MTERF4: variants seen among roughly 807,000 people sequenced by gnomAD.
MTERF4 encodes mitochondrial transcription termination factor 4.
MTERF4 carries 17 observed loss-of-function variants against 22.5 expected under a neutral mutation model. That is an observed-to-expected ratio of 0.75 (90% CI 0.52 to 1.13). MTERF4 has a LOEUF of 1.13. Ranked by LOEUF, MTERF4 falls within the 50% of genes most tolerant of loss-of-function variation. The pLI, the probability that MTERF4 is intolerant of heterozygous loss-of-function variation, is 0.00. For synonymous variants in MTERF4, 165 were observed against 175.3 expected, an observed-to-expected ratio of 0.94 and a Z score of 0.47; for missense variants, 420 against 466.8, an observed-to-expected ratio of 0.90 and a Z score of 0.92.
At chr2:241,045,966 ACAAACAACC>A in the MTERF4 span, among the ~76,000 whole-genome samples, 1 of 152,146 alleles carries the variant, frequency 6.6e-6, no homozygotes, top group Non-Finnish European at 1.5e-5. Flanking sequence ...CTGTGAGAAA[ACAAACAACC>A]CAATTTTAAA....
downstream of MTERF4, among the ~76,000 whole-genome samples, chr2:241,084,214 G>A (rs1025701413): frequency 1.4e-5 from 2 of 146,120 alleles, no homozygotes; most frequent in Admixed American, 7.0e-5. Flanking sequence ...TTGGCTCATC[G>A]CAACCTCTGC....
downstream of MTERF4, among the ~76,000 whole-genome samples, chr2:241,083,767 T>G (rs185120450): frequency 2.3e-4 from 35 of 152,314 alleles, no homozygotes; most frequent in Admixed American, 2.1e-3. Flanking sequence ...ATATTTCAAG[T>G]GACTTTCTAG....
downstream of MTERF4, among the ~76,000 whole-genome samples, chr2:241,083,617 TGA>T: frequency 6.6e-6 from 1 of 152,296 alleles, no homozygotes; most frequent in Middle Eastern, 3.4e-3. Flanking sequence ...TTCTATGCAG[TGA>T]GAGTCCGAAT....
the MTERF4 span, among the ~76,000 whole-genome samples, chr2:241,066,801 C>G: frequency 2.6e-5 from 4 of 152,160 alleles, no homozygotes; most frequent in African/African-American, 4.8e-5. Flanking sequence ...TGGGCCCTAG[C>G]TTGATGCCAA....
downstream of MTERF4, chr2:241,088,483 G>T (rs554745275): frequency 2.6e-6 from 3 of 1,150,214 alleles, no homozygotes; most frequent in South Asian, 2.5e-5. Flanking sequence ...GGATCTCAGA[G>T]TGCCGCTGCC....
chr2:241,045,353 T>C, the MTERF4 span, among the ~76,000 whole-genome samples: 3 of 152,280 alleles, frequency 2.0e-5, no homozygotes, highest in African/African-American at 7.2e-5. Context: ...CAAAACAATT[T>C]TGATGAAGAA....
At chr2:241,094,182 G>A, downstream of MTERF4, 1 of 392,884 alleles carries the variant, frequency 2.5e-6, no homozygotes, top group South Asian at 1.9e-5. This position sits in a 1 kb window ranked among gnomAD's most constrained non-coding sequence, Gnocchi z 4.3. Context: ...CATTGCGTGT[G>A]GGCTGCCAGG....
chr2:241,050,842 C>A, the MTERF4 span, among the ~76,000 whole-genome samples: 3 of 152,204 alleles, frequency 2.0e-5, no homozygotes, highest in African/African-American at 4.8e-5. Flanking sequence ...GGGGGTCCTA[C>A]CAGAGCCCAC....
At chr2:241,080,930 G>A (rs1448635961) in intron 4 of MTERF4, among the ~76,000 whole-genome samples, 1 of 152,238 alleles carries the variant, frequency 6.6e-6, no homozygotes, top group East Asian at 1.9e-4. Context: ...GGGCAGGAGC[G>A]ACAGGGACAG....
At chr2:241,052,240 G>A in the MTERF4 span, 1 of 1,459,500 alleles carries the variant, frequency 6.9e-7, no homozygotes, top group Non-Finnish European at 9.6e-7. Flanking sequence ...GGGCAGGGCT[G>A]GTCCAGGCCC....
chr2:241,089,794 G>GC (rs1299564400), downstream of MTERF4, among the ~76,000 whole-genome samples: 7 of 152,250 alleles, frequency 4.6e-5, no homozygotes, highest in Non-Finnish European at 8.8e-5. Context: ...CGCATACTTA[G>GC]AACAAACCTA....
intron 1 of MTERF4, among the ~76,000 whole-genome samples, chr2:241,100,551 C>T (rs1321985119): frequency 6.6e-6 from 1 of 152,152 alleles, no homozygotes; most frequent in Non-Finnish European, 1.5e-5. Flanking sequence ...GCAGCCTTGA[C>T]TTCCCCAGGC....
At chr2:241,084,647 A>AATT (rs1215249781), downstream of MTERF4, among the ~76,000 whole-genome samples, 1 of 152,190 alleles carries the variant, frequency 6.6e-6, no homozygotes, top group Non-Finnish European at 1.5e-5. Flanking sequence ...TGCACTCAAA[A>AATT]ATTATCTTGT....
downstream of MTERF4, chr2:241,090,223 T>G: frequency 6.7e-7 from 1 of 1,486,776 alleles, no homozygotes; most frequent in Non-Finnish European, 8.9e-7. Context: ...TGTTTTTTAC[T>G]ATTTAACTTT....
chr2:241,064,207 C>T, the MTERF4 span: 1,907 of 965,368 alleles, frequency 2.0e-3, 6 homozygotes, highest in Non-Finnish European at 2.5e-3. The surrounding 1 kb of genome is among the most constrained non-coding windows in gnomAD (Gnocchi z 7.0). Context: ...GCCCTCTGCC[C>T]GCCTGCTCCC....
the MTERF4 span, chr2:241,049,765 C>T: frequency 6.9e-7 from 1 of 1,444,084 alleles, no homozygotes; most frequent in South Asian, 1.1e-5. Context: ...CTCTTGCCGC[C>T]CGCACAGATG....
chr2:241,069,910 C>T (rs1238833560), downstream of MTERF4: 4 of 1,609,854 alleles, frequency 2.5e-6, no homozygotes, highest in African/African-American at 5.3e-5. This position sits in a 1 kb window ranked among gnomAD's most constrained non-coding sequence, Gnocchi z 4.9. Flanking sequence ...CCTGCTCCTG[C>T]CTCATCCAGG....
chr2:241,100,789 C>T (rs892258319), intron 1 of MTERF4, among the ~76,000 whole-genome samples: 3 of 152,106 alleles, frequency 2.0e-5, no homozygotes, highest in African/African-American at 7.2e-5. Flanking sequence ...CATGAGTAGG[C>T]TATTAGTAGT....
At chr2:241,089,598 C>T (rs2063777897), downstream of MTERF4, among the ~76,000 whole-genome samples, 1 of 152,160 alleles carries the variant, frequency 6.6e-6, no homozygotes, top group Non-Finnish European at 1.5e-5. Flanking sequence ...AGAGAGTAGC[C>T]GGCAGCATTC....
Sources: gnomAD v4.1 joint callset for allele counts (sites outside exome capture counted in the v4.1 genomes callset) on GRCh38, gnomAD v4.1.1 for gene constraint, Gnocchi (gnomAD v3.1) non-coding constraint, MANE v1.5 for transcripts, NCBI Gene and HGNC (gene_info 2026-07-23, HGNC 2026-07-21) for gene names.